The following PAPPA2 variants were observed in gnomAD, a reference collection of about 807,000 sequenced individuals.
PAPPA2 encodes the protein pappalysin-2.
In PAPPA2, 86 loss-of-function variants were observed where a neutral mutation model predicts 176.4. The ratio of observed to expected loss-of-function variants is 0.49; its 90% CI spans 0.41 to 0.58. The LOEUF (loss-of-function observed/expected upper bound fraction) is 0.58. Among genes scored for constraint, PAPPA2 ranks in the 20% least tolerant of loss-of-function variants. PAPPA2 has a pLI of 0.00. For synonymous variants in PAPPA2, 809 were observed against 852.2 expected, an observed-to-expected ratio of 0.95 and a Z score of 0.88; for missense variants, 2,073 against 2,256.9, an observed-to-expected ratio of 0.92 and a Z score of 1.65.
intron 2 of PAPPA2, among the ~76,000 whole-genome samples, chr1:176,579,901 G>A (rs1009249321): frequency 6.6e-6 from 1 of 152,134 alleles, no homozygotes; most frequent in Non-Finnish European, 1.5e-5. Context: ...TTTTCATTTA[G>A]CTTTTAAATC....
At chr1:176,738,780 G>A (rs1662533753) in intron 12 of PAPPA2, among the ~76,000 whole-genome samples, 1 of 152,148 alleles carries the variant, frequency 6.6e-6, no homozygotes, top group Non-Finnish European at 1.5e-5. Context: ...GAACACTGGA[G>A]TCTCAGCAGT....
At chr1:176,755,503 C>T (rs573058405) in intron 14 of PAPPA2, among the ~76,000 whole-genome samples, 1 of 152,276 alleles carries the variant, frequency 6.6e-6, no homozygotes, top group South Asian at 2.1e-4. Flanking sequence ...TCACAATTTC[C>T]CAAGCTCAGG....
rs1433397308 is a variant in PAPPA2 at position 176,595,402 on chromosome 1, T to C, written c.1798T>C (p.Cys600Arg). 1.9e-6 allele frequency: 3 copies of C among 1,614,072 alleles called. No individual in the cohort carries two copies. The highest frequency in any genetic ancestry group is 2.5e-6 in the Non-Finnish European group (3 of 1,180,012). ...TGGCAATGACCATTGTGACCCCGAG[T>C]GTGAGCACCCACTCACAGGCTATGA... ...KIGNDHCDPECEHPLTGYDGG... is the reference protein window; with the variant it reads ...KIGNDHCDPEREHPLTGYDGG... The change falls in exon 3 of 23, where the codon TGT becomes CGT. Residue 600 changes from cysteine to arginine, a missense_variant. Cys to Arg is a radical substitution (Grantham distance 180, BLOSUM62 -3). Transcript: ENST00000367662.
At chr1:176,474,449 T>C (rs949860001) in intron 1 of PAPPA2, among the ~76,000 whole-genome samples, 2 of 152,014 alleles carry the variant, frequency 1.3e-5, no homozygotes, top group African/African-American at 2.4e-5. Flanking sequence ...GGCAGGGAAA[T>C]GTAGGAAATG....
At chr1:176,779,519 C>CAGAG (rs565823413) in intron 17 of PAPPA2, among the ~76,000 whole-genome samples, 90 of 102,634 alleles carry the variant, frequency 8.8e-4, no homozygotes, top group Middle Eastern at 0.011. Context: ...CACACACACA[C>CAGAG]AGAGAGAGAG....
At chr1:176,568,715 G>C (rs1015684800) in intron 2 of PAPPA2, among the ~76,000 whole-genome samples, 1 of 152,180 alleles carries the variant, frequency 6.6e-6, no homozygotes. Context: ...TGTAATGCCA[G>C]TAATCAATCA....
intron 1 of PAPPA2, among the ~76,000 whole-genome samples, chr1:176,512,696 CAT>C (rs1434157953): frequency 6.6e-6 from 1 of 152,002 alleles, no homozygotes; most frequent in African/African-American, 2.4e-5. Context: ...CTGATGTGTG[CAT>C]ATATATATGT....
chr1:176,668,508 T>A (rs1409218622), intron 3 of PAPPA2, among the ~76,000 whole-genome samples: 1 of 152,194 alleles, frequency 6.6e-6, no homozygotes, highest in East Asian at 1.9e-4. Context: ...ATATCCATTT[T>A]TTTTCCTCAT....
chr1:176,463,899 T>G (rs565715770), intron 1 of PAPPA2, among the ~76,000 whole-genome samples: 19 of 152,096 alleles, frequency 1.2e-4, no homozygotes, highest in Admixed American at 9.2e-4. Flanking sequence ...TGAGTGTGTG[T>G]GGGGTGCAGG....
chr1:176,588,978 G>A (rs761706962), intron 2 of PAPPA2, among the ~76,000 whole-genome samples: 1 of 152,124 alleles, frequency 6.6e-6, no homozygotes, highest in Non-Finnish European at 1.5e-5. Flanking sequence ...TGTTCACCAG[G>A]GATAGAGTCG....
intron 21 of PAPPA2, among the ~76,000 whole-genome samples, chr1:176,805,877 T>C (rs1571353772): frequency 6.6e-6 from 1 of 150,794 alleles, no homozygotes; most frequent in Non-Finnish European, 1.5e-5. Context: ...GGTCCCCAGA[T>C]ACTCAGGAGG....
chr1:176,741,536 T>C (rs1662677823), intron 14 of PAPPA2, among the ~76,000 whole-genome samples: 2 of 152,172 alleles, frequency 1.3e-5, no homozygotes, highest in Admixed American at 6.5e-5. Context: ...TTGGAAGTGA[T>C]AGTCCATTAC....
At chr1:176,608,127 A>T (rs2102673202) in intron 3 of PAPPA2, among the ~76,000 whole-genome samples, 1 of 152,320 alleles carries the variant, frequency 6.6e-6, no homozygotes, top group South Asian at 2.1e-4. Flanking sequence ...ATACAAGATT[A>T]CTCTGTAATA....
chr1:176,543,708 C>A (rs1043401425), intron 1 of PAPPA2, among the ~76,000 whole-genome samples: 4 of 152,186 alleles, frequency 2.6e-5, no homozygotes, highest in African/African-American at 9.6e-5. Context: ...AATTGTCTGT[C>A]AGGGATTCTA....
chr1:176,629,323 T>C (rs1656211945), intron 3 of PAPPA2, among the ~76,000 whole-genome samples: 1 of 152,184 alleles, frequency 6.6e-6, no homozygotes, highest in African/African-American at 2.4e-5. Flanking sequence ...TATTAAATAA[T>C]GAGATATCCA....
At chr1:176,805,458 G>A (rs1474481515) in intron 21 of PAPPA2, among the ~76,000 whole-genome samples, 1 of 152,144 alleles carries the variant, frequency 6.6e-6, no homozygotes, top group Non-Finnish European at 1.5e-5. Flanking sequence ...CTGCAGAGAA[G>A]GACAGAGGCC....
chr1:176,493,460 A>G (rs1049135948), intron 1 of PAPPA2, among the ~76,000 whole-genome samples: 2 of 152,232 alleles, frequency 1.3e-5, no homozygotes, highest in Non-Finnish European at 2.9e-5. Flanking sequence ...ATTGAGGAAC[A>G]TGGCTTATGT....
chr1:176,498,549 A>G (rs1283510357), intron 1 of PAPPA2, among the ~76,000 whole-genome samples: 1 of 152,082 alleles, frequency 6.6e-6, no homozygotes, highest in Non-Finnish European at 1.5e-5. Flanking sequence ...CAGGCATTCA[A>G]GACAAGCCTG....
chr1:176,703,899 G>A (rs1394151500), intron 9 of PAPPA2, among the ~76,000 whole-genome samples: 1 of 152,134 alleles, frequency 6.6e-6, no homozygotes, highest in Non-Finnish European at 1.5e-5. Flanking sequence ...GCTTCACATT[G>A]CAGAGGACAA....
Sources: gnomAD v4.1 joint callset for allele counts (sites outside exome capture counted in the v4.1 genomes callset) on GRCh38, gnomAD v4.1.1 for gene constraint, MANE v1.5 for transcripts, NCBI Gene and HGNC (gene_info 2026-07-23, HGNC 2026-07-21) for gene names.